Variants in XXYLT1 observed in about 807,000 individuals in gnomAD.
XXYLT1 encodes the protein xyloside xylosyltransferase 1.
A neutral mutation model predicts 28.9 loss-of-function variants in XXYLT1; 20 were observed. That is an observed-to-expected ratio of 0.69 (90% CI 0.49 to 1.00). The LOEUF (loss-of-function observed/expected upper bound fraction) is 1.00, where lower values mean the gene tolerates loss of function less well. Among genes scored for constraint, XXYLT1 ranks in the 50% least tolerant of loss-of-function variants. XXYLT1 has a pLI of 0.00. For missense variants in XXYLT1, 542 were observed against 560.1 expected (o/e 0.97, Z 0.33); for synonymous variants, 257 against 253.8 (o/e 1.01, Z -0.12).
At position 195,077,629 on chromosome 3, in the gene XXYLT1, A is replaced by AAAGCG. The variant is rs1342178825; in HGVS notation, c.786-7523_786-7519dup. On this transcript the variant is annotated intron_variant, in intron 3 of 3. Coordinates refer to ENST00000310380, the MANE Select transcript of XXYLT1 (RefSeq NM_152531.5). The surrounding 1 kb of genome is among the most constrained non-coding windows in gnomAD (Gnocchi z 4.8). ...CCAGCCCATCTCTGTGGGGCCCTGT[A>AAAGCG]AAGCGCGGCCTGGGGCTGGACGTCG... Among the ~76,000 whole-genome samples the AAAGCG allele has an allele frequency of 2.0e-5, 3 of 152,166 alleles. No homozygotes were observed. Among genetic ancestry groups the AAAGCG allele is most frequent in the Non-Finnish European group, 4.4e-5 (3 of 68,004 alleles).
At chr3:195,104,474 T>A (rs534020082) in intron 3 of XXYLT1, among the ~76,000 whole-genome samples, 1 of 152,266 alleles carries the variant, frequency 6.6e-6, no homozygotes, top group South Asian at 2.1e-4. Context: ...AGTGGACTCA[T>A]GCTGCCTGCT....
At position 195,074,300 on chromosome 3, in the gene XXYLT1, G is replaced by A. The variant is rs1451864027; in HGVS notation, c.786-4189C>T. Among the ~76,000 whole-genome samples, 5 of 152,168 alleles carry A rather than the reference G, an allele frequency of 3.3e-5. 1 individual carries two copies. The South Asian group carries it at 8.3e-4, about 25-fold the overall frequency. On this transcript the variant is annotated intron_variant, in intron 3 of 3. Coordinates refer to ENST00000310380, the MANE Select transcript of XXYLT1 (RefSeq NM_152531.5). The stretch of plus-strand genomic sequence containing the variant: ...ATTTGAGGTCTGAGATTCAGCACAC[G>A]GCCTCGCAAGGCGTACCTCTGGGGC...
At chr3:195,147,538 C>G (rs1409229588) in intron 3 of XXYLT1, among the ~76,000 whole-genome samples, 1 of 152,168 alleles carries the variant, frequency 6.6e-6, no homozygotes, top group Non-Finnish European at 1.5e-5. Flanking sequence ...CCACTGCACT[C>G]CAGCCTGGGC....
rs1289434465 is a variant in XXYLT1 at position 195,226,715 on chromosome 3, G to T, written c.646C>A (p.Pro216Thr). ...TCCTGGAAGCCCAGGTTACCTTTGG[G>T]CATGATCTGATGCATGGCGACCGAG... ...FLSVAMHQIM[P>T]KEILQIIQLD... The change falls in exon 2 of 4, where the codon CCC becomes ACC. Residue 216 changes from proline to threonine, a missense_variant. Pro to Thr is a conservative substitution (Grantham distance 38). Transcript: ENST00000310380. The T allele has an allele frequency of 6.2e-7, 1 of 1,612,856 alleles. No individual in the cohort carries two copies. Among genetic ancestry groups the T allele is most frequent in the East Asian group, 2.2e-5 (1 of 44,852 alleles).
chr3:195,265,342 G>A (rs1255163907), intron 1 of XXYLT1, among the ~76,000 whole-genome samples: 2 of 151,640 alleles, frequency 1.3e-5, no homozygotes, highest in East Asian at 1.9e-4. Context: ...ACTCCAGCCT[G>A]GGTGACAGAA....
At chr3:195,155,392 T>C (rs1382239189) in intron 3 of XXYLT1, among the ~76,000 whole-genome samples, 1 of 152,210 alleles carries the variant, frequency 6.6e-6, no homozygotes, top group African/African-American at 2.4e-5. Context: ...ATCCCAGCCC[T>C]TTCCGAACAA....
intron 2 of XXYLT1, among the ~76,000 whole-genome samples, chr3:195,218,853 G>C (rs1301539046): frequency 2.0e-5 from 3 of 152,062 alleles, no homozygotes; most frequent in Non-Finnish European, 4.4e-5. Flanking sequence ...CTGCTATAAA[G>C]ACACACGCAC....
At chr3:195,244,249 G>T (rs577889989) in intron 1 of XXYLT1, among the ~76,000 whole-genome samples, 1 of 152,238 alleles carries the variant, frequency 6.6e-6, no homozygotes, top group Non-Finnish European at 1.5e-5. Context: ...CTGGACAGCA[G>T]GTGATGAAAC....
At chr3:195,073,337 CCTTCT>C (rs1182932102) in intron 3 of XXYLT1, among the ~76,000 whole-genome samples, 1 of 152,208 alleles carries the variant, frequency 6.6e-6, no homozygotes, top group Non-Finnish European at 1.5e-5. Flanking sequence ...AGACCCCTGC[CCTTCT>C]TCACAGGAGT....
intron 1 of XXYLT1, among the ~76,000 whole-genome samples, chr3:195,254,910 C>T (rs1725419834): frequency 6.6e-6 from 1 of 152,218 alleles, no homozygotes; most frequent in South Asian, 2.1e-4. Flanking sequence ...AACTACCCCC[C>T]ACCTCCCAGA....
chr3:195,122,264 G>T, intron 3 of XXYLT1: 8 of 676,640 alleles, frequency 1.2e-5, no homozygotes, highest in East Asian at 2.7e-5. Context: ...TTCAACACAT[G>T]AATTTTGGGG....
At position 195,176,914 on chromosome 3, in the gene XXYLT1, AG is replaced by A. The variant is rs1461177730; in HGVS notation, c.653-20334del. 6.6e-6 allele frequency among the ~76,000 whole-genome samples: 1 copy of A among 152,156 alleles called. No homozygotes were observed. Among genetic ancestry groups the A allele is most frequent in the Non-Finnish European group, 1.5e-5 (1 of 68,018 alleles). The stretch of plus-strand genomic sequence containing the variant: ...CCTTGGAACCAGCAAGAAACTCTCA[AG>A]CCCCCGCCTAGGGACTAACTCCCCG... On this transcript the variant is annotated intron_variant, in intron 2 of 3. Coordinates refer to ENST00000310380, the MANE Select transcript of XXYLT1 (RefSeq NM_152531.5). This position sits in a 1 kb window ranked among gnomAD's most constrained non-coding sequence, Gnocchi z 4.9.
chr3:195,267,289 T>C (rs1725875708), intron 1 of XXYLT1, among the ~76,000 whole-genome samples: 1 of 152,216 alleles, frequency 6.6e-6, no homozygotes, highest in African/African-American at 2.4e-5. Flanking sequence ...CAGACAGTTC[T>C]AACACCACTC....
At chr3:195,093,966 C>T (rs1038385326) in intron 3 of XXYLT1, 1 of 152,854 alleles carries the variant, frequency 6.5e-6, no homozygotes, top group South Asian at 2.1e-4. Flanking sequence ...CGCCATACCC[C>T]CAAGGCCTGG....
rs566319564 is a variant in XXYLT1, at chr3:195,077,323, C to A, written c.786-7212G>T. On this transcript the variant is annotated intron_variant, in intron 3 of 3. Coordinates refer to ENST00000310380, the MANE Select transcript of XXYLT1 (RefSeq NM_152531.5). This position sits in a 1 kb window ranked among gnomAD's most constrained non-coding sequence, Gnocchi z 4.8. ...TGCAATCTCAACCCAGAGGCAGTGC[C>A]GCAATAACATGGATGGAATGGGGAA... Among the ~76,000 whole-genome samples, 8 of 152,306 alleles carry A rather than the reference C, an allele frequency of 5.3e-5. No individual in the cohort carries two copies. Among genetic ancestry groups the A allele is most frequent in the African/African-American group, 1.9e-4 (8 of 41,582 alleles).
At chr3:195,222,103 C>T (rs1298424532) in intron 2 of XXYLT1, among the ~76,000 whole-genome samples, 1 of 152,232 alleles carries the variant, frequency 6.6e-6, no homozygotes, top group Admixed American at 6.5e-5. Flanking sequence ...CAGGTCCCCT[C>T]TGTGGGGCTG....
chr3:195,243,226 G>C (rs1008757562), intron 1 of XXYLT1, among the ~76,000 whole-genome samples: 8 of 151,930 alleles, frequency 5.3e-5, no homozygotes, highest in African/African-American at 1.9e-4. Flanking sequence ...GGGGGGAAGG[G>C]GGAAGGATAG....
At chr3:195,079,533 T>C (rs939762305) in intron 3 of XXYLT1, among the ~76,000 whole-genome samples, 9 of 152,158 alleles carry the variant, frequency 5.9e-5, no homozygotes, top group Non-Finnish European at 8.8e-5. Context: ...ATGTATTCAG[T>C]ATAATGTTTG....
intron 3 of XXYLT1, among the ~76,000 whole-genome samples, chr3:195,109,456 C>T (rs1430479054): frequency 3.4e-5 from 5 of 147,306 alleles, no homozygotes; most frequent in South Asian, 4.4e-4. Flanking sequence ...TATATGTGTG[C>T]GTGTATGTGG....
Sources: allele counts gnomAD v4.1 joint callset (sites outside exome capture counted in the v4.1 genomes callset), GRCh38; gene constraint gnomAD v4.1.1; non-coding constraint Gnocchi (gnomAD v3.1); transcripts MANE v1.5; gene names NCBI Gene and HGNC (gene_info 2026-07-23, HGNC 2026-07-21).